TBC1D22A: variants seen among roughly 807,000 people sequenced by gnomAD.
TBC1D22A encodes the protein TBC1 domain family member 22A.
Under a neutral mutation model 60.2 loss-of-function variants are expected in TBC1D22A, and 38 were observed. That is an observed-to-expected ratio of 0.63 (90% CI 0.49 to 0.83). The LOEUF (loss-of-function observed/expected upper bound fraction) is 0.83. Ranked by LOEUF, TBC1D22A falls within the 40% of genes least tolerant of loss-of-function variation. The pLI, the probability that TBC1D22A is intolerant of heterozygous loss-of-function variation, is 0.00. For missense variants in TBC1D22A, 628 were observed against 701.0 expected (o/e 0.90, Z 1.18); for synonymous variants, 302 against 281.7 (o/e 1.07, Z -0.72).
chr22:46,812,587 T>C (rs112480365), intron 4 of TBC1D22A, among the ~76,000 whole-genome samples: 2,581 of 152,312 alleles, frequency 0.017, 71 homozygotes, highest in African/African-American at 0.059. Flanking sequence ...TTCTGCTGGC[T>C]GTGTGTGGCT....
rs148525721 is a variant in TBC1D22A, at chr22:47,108,810, C to T, written c.1330-2698C>T. On this transcript the variant is annotated intron_variant, in intron 11 of 12. Transcript: ENST00000337137. ...TCCCAGGTTCATGCCATTCTCCTGC[C>T]TCAGCCTGCCGAGTAGCTGGGACTA... 7.9e-3 allele frequency among the ~76,000 whole-genome samples: 1,208 copies of T among 152,292 alleles called. 20 individuals carry two copies. Among genetic ancestry groups the T allele is most frequent in the African/African-American group, 0.028 (1,149 of 41,570 alleles).
At position 46,777,677 on chromosome 22, in the gene TBC1D22A, A is replaced by G. The variant is rs801623; in HGVS notation, c.62+14829A>G. Reference sequence around the variant, plus strand: ...GAGCAAGAAGAAAGAGCTCAGTGTGATGAGTCCTGAGGGGAAGCTGGGCAG... The same window carrying G: ...GAGCAAGAAGAAAGAGCTCAGTGTGGTGAGTCCTGAGGGGAAGCTGGGCAG... On this transcript the variant is annotated intron_variant, in intron 1 of 12. Coordinates refer to ENST00000337137, the MANE Select transcript of TBC1D22A (RefSeq NM_014346.5). This position sits in a 1 kb window ranked among gnomAD's most constrained non-coding sequence, Gnocchi z 4.5. 0.67 allele frequency among the ~76,000 whole-genome samples: 101,991 copies of G among 151,874 alleles called. 34,306 individuals carry two copies. Among genetic ancestry groups the G allele is most frequent in the Middle Eastern group, 0.79 (233 of 294 alleles).
At chr22:47,054,815 A>C (rs867037433) in intron 11 of TBC1D22A, among the ~76,000 whole-genome samples, 23 of 152,176 alleles carry the variant, frequency 1.5e-4, no homozygotes, top group Non-Finnish European at 8.8e-5. Flanking sequence ...GGGCTCATCC[A>C]GTTCCCTCAA....
intron 4 of TBC1D22A, among the ~76,000 whole-genome samples, chr22:46,807,135 G>T (rs1169173003): frequency 6.6e-6 from 1 of 152,260 alleles, no homozygotes; most frequent in Non-Finnish European, 1.5e-5. Context: ...CTTTAAGAAG[G>T]AAAGTTGGAA....
At chr22:46,950,521 G>A (rs765918702) in intron 8 of TBC1D22A, among the ~76,000 whole-genome samples, 1 of 152,186 alleles carries the variant, frequency 6.6e-6, no homozygotes, top group East Asian at 1.9e-4. Context: ...TAGGGCCGAT[G>A]GCTGGATGGA....
At chr22:47,149,499 C>G (rs190249733) in intron 12 of TBC1D22A, among the ~76,000 whole-genome samples, 1 of 152,256 alleles carries the variant, frequency 6.6e-6, no homozygotes, top group Non-Finnish European at 1.5e-5. Context: ...GGCTGGCTGC[C>G]GAGAAGGCTG....
Position 47,028,522 on chromosome 22 carries a change from G to A in TBC1D22A, c.1202-8549G>A, listed in dbSNP as rs1023463501. 2.9e-5 allele frequency among the ~76,000 whole-genome samples: 4 copies of A among 135,716 alleles called. No homozygotes were observed. The highest frequency in any genetic ancestry group is 2.2e-4 in the Admixed American group (3 of 13,616). 89.0% of individuals were successfully genotyped at this position (135,716 alleles called of 152,430 possible). On this transcript the variant is annotated intron_variant, in intron 10 of 12. Coordinates refer to ENST00000337137, the MANE Select transcript of TBC1D22A (RefSeq NM_014346.5). This position sits in a 1 kb window ranked among gnomAD's most constrained non-coding sequence, Gnocchi z 4.4. ...CTGTCCCTCGGTCCCTGTCCCCCAC[G>A]GCCCAGGTTCTGAGAGTGAGTGGTC...
chr22:46,873,156 G>T (rs1250919568), intron 4 of TBC1D22A, among the ~76,000 whole-genome samples: 1 of 152,016 alleles, frequency 6.6e-6, no homozygotes, highest in African/African-American at 2.4e-5. Flanking sequence ...ATAATCAGAA[G>T]AAAAATTAGC....
At position 46,957,917 on chromosome 22, in the gene TBC1D22A, A is replaced by T. The variant is rs975176955; in HGVS notation, c.1016-16373A>T. Among the ~76,000 whole-genome samples the T allele has an allele frequency of 1.2e-4, 18 of 152,238 alleles. No individual in the cohort carries two copies. In the East Asian group the frequency reaches 3.1e-3, roughly 26 times the overall value. The stretch of plus-strand genomic sequence containing the variant: ...TCCATTTGCAGATGATGGAGGGTGG[A>T]CTGGAGCTGGGGCATCAGAGGCAGG... On this transcript the variant is annotated intron_variant, in intron 8 of 12. Coordinates refer to ENST00000337137, the MANE Select transcript of TBC1D22A (RefSeq NM_014346.5).
chr22:46,978,601 G>A (rs1438339727), intron 9 of TBC1D22A, among the ~76,000 whole-genome samples: 1 of 152,140 alleles, frequency 6.6e-6, no homozygotes, highest in African/African-American at 2.4e-5. Context: ...GGAAAAGGAA[G>A]CGTGTTTTTT....
intron 11 of TBC1D22A, among the ~76,000 whole-genome samples, chr22:47,070,360 G>A (rs1309686542): frequency 6.8e-6 from 1 of 148,110 alleles, no homozygotes; most frequent in Non-Finnish European, 1.5e-5. Context: ...CTGACCTGAC[G>A]GTCCTGGCTG....
Position 47,174,942 on chromosome 22 carries a change from G to T in TBC1D22A, c.*1316G>T, listed in dbSNP as rs560895387. On this transcript the variant is annotated 3_prime_UTR_variant, in exon 13 of 13. Coordinates refer to ENST00000337137, the MANE Select transcript of TBC1D22A (RefSeq NM_014346.5). ...ACAGGCTGCATGACCCCTGGAATGC[G>T]GGCAGGGCCACAGCCACAGTCTGTC... The T allele has an allele frequency of 1.3e-5, 2 of 152,328 alleles. No homozygotes were observed. Among genetic ancestry groups the T allele is most frequent in the South Asian group, 2.1e-4 (1 of 4,814 alleles). 9.4% of individuals were successfully genotyped at this position (152,328 alleles called of 1,614,324 possible).
chr22:46,830,109 C>A (rs1215439211), intron 4 of TBC1D22A, among the ~76,000 whole-genome samples: 2 of 152,166 alleles, frequency 1.3e-5, no homozygotes, highest in East Asian at 3.9e-4. Flanking sequence ...GATGGTACAG[C>A]AGGGCTGGAA....
intron 7 of TBC1D22A, among the ~76,000 whole-genome samples, chr22:46,909,312 A>T (rs1602431265): frequency 7.8e-6 from 1 of 128,938 alleles, no homozygotes; most frequent in Non-Finnish European, 1.7e-5. Context: ...ACACACACAC[A>T]CTCACACACT....
chr22:47,128,573 A>G (rs1423094705), intron 12 of TBC1D22A, among the ~76,000 whole-genome samples: 3 of 151,360 alleles, frequency 2.0e-5, no homozygotes, highest in African/African-American at 7.3e-5. Flanking sequence ...CAAAGAAGAG[A>G]AATGGAGTCC....
chr22:46,980,462 T>C (rs1326453547), intron 9 of TBC1D22A, among the ~76,000 whole-genome samples: 1 of 152,238 alleles, frequency 6.6e-6, no homozygotes, highest in Non-Finnish European at 1.5e-5. Flanking sequence ...ATTACCCAGG[T>C]GTGAGCCACT....
chr22:46,827,695 G>A (rs898224455), intron 4 of TBC1D22A, among the ~76,000 whole-genome samples: 1 of 152,150 alleles, frequency 6.6e-6, no homozygotes, highest in African/African-American at 2.4e-5. Flanking sequence ...TGTGAGTGAG[G>A]TCTCAGCCTT....
chr22:46,908,282 A>G (rs2069637196), intron 7 of TBC1D22A, among the ~76,000 whole-genome samples: 1 of 152,106 alleles, frequency 6.6e-6, no homozygotes, highest in African/African-American at 2.4e-5. Context: ...GGGGTGTGCT[A>G]TAGTGGTGAT....
At chr22:47,126,568 A>G (rs1474855) in intron 12 of TBC1D22A, among the ~76,000 whole-genome samples, 114,282 of 152,206 alleles carry the variant, frequency 0.75, 43,275 homozygotes, top group East Asian at 0.97. Context: ...CTCCAGCACT[A>G]CACCGCCAGT....
Sources: gnomAD v4.1 joint callset for allele counts (sites outside exome capture counted in the v4.1 genomes callset) on GRCh38, gnomAD v4.1.1 for gene constraint, Gnocchi (gnomAD v3.1) non-coding constraint, MANE v1.5 for transcripts, NCBI Gene and HGNC (gene_info 2026-07-23, HGNC 2026-07-21) for gene names.